The following FAM171A1 variants were observed in gnomAD, a reference collection of about 807,000 sequenced individuals.
The protein encoded by FAM171A1 is family with sequence similarity 171 member A1.
In FAM171A1, 23 loss-of-function variants were observed where a neutral mutation model predicts 74.9. The ratio of observed to expected loss-of-function variants is 0.31; its 90% CI spans 0.22 to 0.44. The LOEUF is 0.44. FAM171A1 is among the 20% of genes least tolerant of loss of function. The probability of loss-of-function intolerance (pLI) is 1.00; values close to 1 mark genes in which losing one functional copy is unlikely to be tolerated. For synonymous variants in FAM171A1, 527 were observed against 505.7 expected, an observed-to-expected ratio of 1.04 and a Z score of -0.57; for missense variants, 1,162 against 1,159.2, an observed-to-expected ratio of 1.00 and a Z score of -0.03.
chr10:15,297,009 G>A (rs909471365), intron 1 of FAM171A1, among the ~76,000 whole-genome samples: 3 of 152,058 alleles, frequency 2.0e-5, no homozygotes, highest in African/African-American at 7.2e-5. Flanking sequence ...TATTTACACT[G>A]GTGGCTCCTA....
chr10:15,236,313 A>G (rs1199483688), intron 5 of FAM171A1, among the ~76,000 whole-genome samples: 1 of 150,774 alleles, frequency 6.6e-6, no homozygotes, highest in East Asian at 1.9e-4. Context: ...CACACACTGC[A>G]TATGGGCTAA....
intron 1 of FAM171A1, among the ~76,000 whole-genome samples, chr10:15,314,688 T>C (rs1239044473): frequency 2.6e-5 from 4 of 152,244 alleles, no homozygotes; most frequent in Non-Finnish European, 5.9e-5. Context: ...GCCCCAGCAC[T>C]CTTCTGCTTT....
At chr10:15,244,934 A>C (rs1834412728) in intron 5 of FAM171A1, among the ~76,000 whole-genome samples, 1 of 152,176 alleles carries the variant, frequency 6.6e-6, no homozygotes, top group African/African-American at 2.4e-5. Flanking sequence ...GTGATGACTA[A>C]TTTTGTCTGA....
intron 1 of FAM171A1, among the ~76,000 whole-genome samples, chr10:15,315,059 C>A (rs1054949989): frequency 5.6e-4 from 85 of 152,198 alleles, no homozygotes; most frequent in African/African-American, 2.0e-3. Context: ...TTAAAACCAA[C>A]CTGGTTGAGG....
At chr10:15,293,739 C>T (rs1264450311) in intron 1 of FAM171A1, among the ~76,000 whole-genome samples, 2 of 152,134 alleles carry the variant, frequency 1.3e-5, no homozygotes, top group African/African-American at 4.8e-5. Flanking sequence ...TGGGTACTCA[C>T]TGCATGCAAA....
chr10:15,346,946 G>A (rs1487674351), intron 1 of FAM171A1, among the ~76,000 whole-genome samples: 1 of 152,186 alleles, frequency 6.6e-6, no homozygotes, highest in African/African-American at 2.4e-5. Flanking sequence ...ACAGAGGGAG[G>A]GGTAGCTGGC....
intron 1 of FAM171A1, among the ~76,000 whole-genome samples, chr10:15,353,394 T>A (rs564319907): frequency 1.3e-5 from 2 of 152,310 alleles, no homozygotes; most frequent in South Asian, 4.1e-4. Flanking sequence ...TAACTCAGAA[T>A]AATCACAGAT....
At chr10:15,214,628 C>T in intron 7 of FAM171A1, 27 bp from the exon 8 acceptor site, 2 of 1,527,860 alleles carry the variant, frequency 1.3e-6, no homozygotes, top group Non-Finnish European at 1.8e-6. Flanking sequence ...AATCCAAAGC[C>T]AAAGATTAGT....
At chr10:15,364,819 G>A (rs1588573560) in intron 1 of FAM171A1, among the ~76,000 whole-genome samples, 3 of 151,998 alleles carry the variant, frequency 2.0e-5, no homozygotes, top group Admixed American at 1.3e-4. Flanking sequence ...TCTGTGTAGC[G>A]TCTTCATTCT....
chr10:15,265,619 T>C (rs1588520962), intron 3 of FAM171A1, among the ~76,000 whole-genome samples: 1 of 136,376 alleles, frequency 7.3e-6, no homozygotes, highest in Non-Finnish European at 1.5e-5. Context: ...ATGGAGTAAG[T>C]AGTCTATGTA....
At chr10:15,227,741 G>A (rs909823688) in intron 5 of FAM171A1, among the ~76,000 whole-genome samples, 1 of 152,186 alleles carries the variant, frequency 6.6e-6, no homozygotes, top group African/African-American at 2.4e-5. Flanking sequence ...ATATTTTCAA[G>A]TATAAACAAT....
At chr10:15,360,562 C>G (rs976787117) in intron 1 of FAM171A1, among the ~76,000 whole-genome samples, 1 of 152,222 alleles carries the variant, frequency 6.6e-6, no homozygotes, top group African/African-American at 2.4e-5. Flanking sequence ...CTTGTCATGA[C>G]CAGGGACAAT....
chr10:15,368,456 G>T (rs1459498117), intron 1 of FAM171A1, among the ~76,000 whole-genome samples: 3 of 152,204 alleles, frequency 2.0e-5, no homozygotes, highest in Non-Finnish European at 4.4e-5. Context: ...GCCAAATCCT[G>T]TTGGTGCATA....
intron 1 of FAM171A1, among the ~76,000 whole-genome samples, chr10:15,342,808 G>A (rs1404148492): frequency 6.6e-6 from 1 of 152,190 alleles, no homozygotes; most frequent in Non-Finnish European, 1.5e-5. Context: ...ACCCTCTCCA[G>A]GCACATTTAT....
chr10:15,241,895 T>A (rs930105850), intron 5 of FAM171A1: 23 of 152,184 alleles, frequency 1.5e-4, no homozygotes, highest in African/African-American at 5.3e-4. Context: ...ATTCCCCCAT[T>A]TGATTTTTTT....
In FAM171A1 at chr10:15,306,502, C is replaced by T. The variant is rs572428445; in HGVS notation, c.98-22397G>A. Reference sequence around the variant, plus strand: ...GACTCAGTCTCTCGAGTAGCTGGGACTACAGGCATGCCCCACCATGCCTGG... The same window carrying T: ...GACTCAGTCTCTCGAGTAGCTGGGATTACAGGCATGCCCCACCATGCCTGG... On this transcript the variant is annotated intron_variant, in intron 1 of 7. Coordinates refer to ENST00000378116, the MANE Select transcript of FAM171A1 (RefSeq NM_001010924.2). 2.0e-5 allele frequency among the ~76,000 whole-genome samples: 3 copies of T among 152,086 alleles called. No individual in the cohort carries two copies. The South Asian group carries it at 6.2e-4, about 32-fold the overall frequency.
chr10:15,239,751 T>TTTTAACAAAATAGC (rs1416368321), intron 5 of FAM171A1, among the ~76,000 whole-genome samples: 2 of 152,234 alleles, frequency 1.3e-5, no homozygotes, highest in Non-Finnish European at 1.5e-5. Context: ...AATCACAGCA[T>TTTTAACAAAATAGC]TTTAACAAAA....
chr10:15,223,062 G>C (rs909603333), intron 5 of FAM171A1, among the ~76,000 whole-genome samples: 4 of 152,222 alleles, frequency 2.6e-5, no homozygotes, highest in African/African-American at 9.6e-5. Flanking sequence ...AAAAAGGGCT[G>C]GGCATGGTGG....
intron 2 of FAM171A1, among the ~76,000 whole-genome samples, chr10:15,278,200 T>C (rs1021427122): frequency 6.6e-6 from 1 of 151,744 alleles, no homozygotes; most frequent in Non-Finnish European, 1.5e-5. Flanking sequence ...AACAGATCAG[T>C]GTTAGAAGCA....
Sources: gnomAD v4.1 joint callset for allele counts (sites outside exome capture counted in the v4.1 genomes callset) on GRCh38, gnomAD v4.1.1 for gene constraint, MANE v1.5 for transcripts, NCBI Gene and HGNC (gene_info 2026-07-23, HGNC 2026-07-21) for gene names.